Variants in SLC40A1 observed in about 807,000 individuals in gnomAD.
SLC40A1 encodes the protein solute carrier family 40 member 1.
SLC40A1 carries 16 observed loss-of-function variants against 53.5 expected under a neutral mutation model. The ratio of observed to expected loss-of-function variants is 0.30; its 90% CI spans 0.20 to 0.45. SLC40A1 has a LOEUF of 0.45. SLC40A1 is among the 20% of genes least tolerant of loss of function. The pLI is 1.00. For synonymous variants in SLC40A1, 247 were observed against 253.2 expected (o/e 0.98, Z 0.23); for missense variants, 545 against 695.4 (o/e 0.78, Z 2.43).
At chr2:189,580,378 C>G in intron 1 of SLC40A1, 40 bp downstream of exon 1, 1 of 1,609,034 alleles carries the variant, frequency 6.2e-7, no homozygotes, top group Non-Finnish European at 8.5e-7. Flanking sequence ...CAAAGCCCCA[C>G]CTGGGTTTCC....
chr2:189,573,004 C>T lies in SLC40A1; in HGVS notation c.272-43G>A, dbSNP rs752118206. The T allele has an allele frequency of 4.0e-6, 5 of 1,252,822 alleles. 1 individual carries two copies. The South Asian group carries it at 4.8e-5, about 12-fold the overall frequency. The allele number at this position is 1,252,822 out of a possible 1,614,324, so 77.6% of individuals were successfully genotyped here. On this transcript the variant is annotated intron_variant, in intron 3 of 7. Transcript: ENST00000261024. The stretch of plus-strand genomic sequence containing the variant: ...GAAAGTGTACATTACATCAAAATGT[C>T]TCAGTGAGACTGTTCTTATCCACAC...
chr2:189,566,163 G>C (rs781448969), intron 5 of SLC40A1, among the ~76,000 whole-genome samples: 1 of 152,092 alleles, frequency 6.6e-6, no homozygotes, highest in African/African-American at 2.4e-5. Flanking sequence ...TAAATAAGGC[G>C]AGGTCAGAGG....
chr2:189,563,515 A>C, intron 7 of SLC40A1, 69 bp downstream of exon 7: 1 of 1,419,980 alleles, frequency 7.0e-7, no homozygotes, highest in Non-Finnish European at 9.7e-7. Context: ...TCATTTATTA[A>C]TGGATTCTCT....
chr2:189,567,354 A>G (rs2030970307), intron 5 of SLC40A1, among the ~76,000 whole-genome samples: 1 of 152,266 alleles, frequency 6.6e-6, no homozygotes, highest in Non-Finnish European at 1.5e-5. Context: ...GACAAAATCA[A>G]TAAAGAGGAA....
In SLC40A1 at chr2:189,561,569, C is replaced by T. The variant is rs886055360; in HGVS notation, c.*309G>A. 3.3e-5 allele frequency: 10 copies of T among 304,900 alleles called. No individual in the cohort carries two copies. Among genetic ancestry groups the T allele is most frequent in the Non-Finnish European group, 4.9e-5 (8 of 161,740 alleles). 18.9% of individuals were successfully genotyped at this position (304,900 alleles called of 1,614,324 possible). A position where few individuals can be genotyped will look rare whatever the true frequency, so the allele number is the denominator to read the frequency against. On this transcript the variant is annotated 3_prime_UTR_variant, in exon 8 of 8. Coordinates refer to ENST00000261024, the MANE Select transcript of SLC40A1 (RefSeq NM_014585.6). ...ATCTGTCAAATGATAACTGAATTCA[C>T]GTGACTAACCACTCTTTTACGTAAG...
rs200345331 is a variant in SLC40A1, at chr2:189,563,783, G to C, written c.1203C>G (p.Ser401=). The part of the protein sequence containing the change: ...VFMPGSPLDL[S]VSPFEDIRSR... ...ATCGGATATCTTCAAAAGGAGAAAC[G>C]GACAAGTCCAGGGGGCTTCCAGGCA... Residue 401 remains serine, a synonymous_variant, in exon 7 of 8, where the codon TCC becomes TCG. Transcript: ENST00000261024. The C allele has an allele frequency of 1.2e-6, 2 of 1,614,122 alleles. No individual in the cohort carries two copies. The highest frequency in any genetic ancestry group is 1.3e-5 in the African/African-American group (1 of 75,028).
intron 2 of SLC40A1, chr2:189,578,536 A>C (rs1403040252): frequency 5.4e-6 from 1 of 185,636 alleles, no homozygotes; most frequent in Middle Eastern, 5.1e-4. Context: ...TCTTCCTCTA[A>C]GAGCAAGGCC....
intron 5 of SLC40A1, among the ~76,000 whole-genome samples, chr2:189,566,065 C>A (rs2030931289): frequency 1.3e-5 from 2 of 151,996 alleles, no homozygotes; most frequent in Admixed American, 1.3e-4. Context: ...TGTATACACA[C>A]ACAAACACTG....
At chr2:189,566,878 A>T (rs2030955004) in intron 5 of SLC40A1, among the ~76,000 whole-genome samples, 4 of 152,176 alleles carry the variant, frequency 2.6e-5, no homozygotes, top group Non-Finnish European at 4.4e-5. Context: ...CAGAGAAAAT[A>T]GTGTGATTAT....
Position 189,563,728 on chromosome 2 carries a change from G to A in SLC40A1, c.1258C>T (p.Pro420Ser), listed in dbSNP as rs957670105. Residue 420 changes from proline (P) to serine (S), a missense_variant, in exon 7 of 8, where the codon CCT becomes TCT. Pro to Ser is a moderately conservative substitution (Grantham distance 74). Around this residue, in one of 4 missense-constraint regions of SLC40A1, gnomAD observed 234 missense variants for 299.0 expected, o/e 0.78. Coordinates refer to ENST00000261024, the MANE Select transcript of SLC40A1 (RefSeq NM_014585.6). ...SRFIQGESIT[P>S]TKIPEITTEI... ...GTTGTAATTTCAGGTATCTTGGTAG[G>A]TGTAATTGACTCTCCTTGAATGAAC... The A allele has an allele frequency of 6.2e-7, 1 of 1,614,144 alleles. No individual in the cohort carries two copies. Among genetic ancestry groups the A allele is most frequent in the Non-Finnish European group, 8.5e-7 (1 of 1,180,010 alleles).
chr2:189,567,013 AC>A (rs1252885743), intron 5 of SLC40A1, among the ~76,000 whole-genome samples: 1 of 152,204 alleles, frequency 6.6e-6, no homozygotes, highest in African/African-American at 2.4e-5. Context: ...GTCTTACCAA[AC>A]AAAAGTGACA....
rs11568355 is a variant in SLC40A1 at position 189,563,692 on chromosome 2, T to C, written c.1294A>G (p.Met432Val). The change falls in exon 7 of 8, where the codon ATG becomes GTG. Residue 432 changes from methionine (M) to valine (V), a missense_variant. Met to Val is a conservative substitution (Grantham distance 21). Transcript: ENST00000261024. ...TTAGCAGAATTAGACCCATTAGACA[T>C]GTATATTTCAGTTGTAATTTCAGGT... ...KIPEITTEIY[M>V]SNGSNSANIV... is the part of the protein sequence containing the mutation. 4.0e-4 allele frequency: 649 copies of C among 1,614,070 alleles called. 1 individual carries two copies. In the African/African-American group the frequency reaches 7.5e-3, roughly 19 times the overall value.
rs371786453 is a variant in SLC40A1 at position 189,579,888 on chromosome 2, G to C, written c.44-8C>G. On this transcript the variant is annotated splice_region_variant and splice_polypyrimidine_tract_variant and intron_variant, in intron 1 of 7. Transcript: ENST00000261024. ...GGTAGTCGGCCAAGGATCCTGCAAA[G>C]ACACAGGCGGGGTGACAAAAAGCGA... 57 of 1,613,978 alleles carry C rather than the reference G, an allele frequency of 3.5e-5. No individual in the cohort carries two copies. Among genetic ancestry groups the C allele is most frequent in the Non-Finnish European group, 4.4e-5 (52 of 1,179,940 alleles).
intron 1 of SLC40A1, among the ~76,000 whole-genome samples, chr2:189,580,131 T>C (rs962217730): frequency 6.7e-6 from 1 of 149,080 alleles, no homozygotes; most frequent in Non-Finnish European, 1.5e-5. Flanking sequence ...AAGAAACTCT[T>C]GTTTCAGCAT....
rs1488625305 is a variant in SLC40A1 at position 189,579,832 on chromosome 2, C to T, written c.92G>A (p.Gly31Asp). The stretch of plus-strand genomic sequence containing the variant: ...ACTTACCCAAGTAGAGAGAGAATGA[C>T]CAAGGTAGAGAAGGAATTTTGCAGA... ...LTSAKFLLYL[G>D]HSLSTWGDRM... Residue 31 changes from glycine to aspartate, a missense_variant, in exon 2 of 8, where the codon GGT becomes GAT. Coordinates refer to ENST00000261024, the MANE Select transcript of SLC40A1 (RefSeq NM_014585.6). 1.1e-5 allele frequency: 17 copies of T among 1,613,998 alleles called. No homozygotes were observed. The highest frequency in any genetic ancestry group is 1.4e-5 in the Non-Finnish European group (17 of 1,179,962).
At chr2:189,565,062 A>G (rs1431841805) in intron 6 of SLC40A1, among the ~76,000 whole-genome samples, 1 of 151,982 alleles carries the variant, frequency 6.6e-6, no homozygotes, top group Non-Finnish European at 1.5e-5. Flanking sequence ...TCCCAGTCCT[A>G]TGACTTAGCT....
rs772579036 is a variant in SLC40A1 at position 189,565,507 on chromosome 2, T to C, written c.607A>G (p.Ile203Val). 10 of 1,614,234 alleles carry C rather than the reference T, an allele frequency of 6.2e-6. No homozygotes were observed. Among genetic ancestry groups the C allele is most frequent in the East Asian group, 2.2e-5 (1 of 44,882 alleles). Residue 203 changes from isoleucine to valine, a missense_variant, in exon 6 of 8, where the codon ATC (isoleucine) becomes GTC (valine). This residue lies in a region of SLC40A1 where 197 missense variants were observed against 278.8 expected (regional missense o/e 0.71). Coordinates refer to ENST00000261024, the MANE Select transcript of SLC40A1 (RefSeq NM_014585.6). ...CATCCCGAAATAAAGCCACAGCCGA[T>C]GACTGGGGAGCCAAATGTCATAATC... ...GQIMTFGSPV[I>V]GCGFISGWNL...
intron 5 of SLC40A1, among the ~76,000 whole-genome samples, chr2:189,569,230 T>C (rs971137600): frequency 5.3e-5 from 8 of 152,232 alleles, no homozygotes; most frequent in Non-Finnish European, 1.2e-4. Context: ...TAAGAAACAC[T>C]GTGATGAGGA....
rs1246139926 is a variant in SLC40A1, at chr2:189,562,076, C to T, written c.1518G>A (p.Leu506=). ...GAGCCAGGATGACCATGATGAAATG[C>T]AGAAGATCAAGAAGATAGTTCATGG... ...QNSMNYLLDL[L]HFIMVILAPN... is the part of the protein sequence containing the mutation. Residue 506 remains leucine, a synonymous_variant, in exon 8 of 8, where the codon CTG becomes CTA. Coordinates refer to ENST00000261024, the MANE Select transcript of SLC40A1 (RefSeq NM_014585.6). 1 of 1,614,044 alleles carries T rather than the reference C, an allele frequency of 6.2e-7. No homozygotes were observed. The highest frequency in any genetic ancestry group is 1.3e-5 in the African/African-American group (1 of 75,024).
Sources: allele counts gnomAD v4.1 joint callset (sites outside exome capture counted in the v4.1 genomes callset), GRCh38; gene constraint gnomAD v4.1.1; regional missense constraint gnomAD v4.1.1; transcripts MANE v1.5; gene names NCBI Gene and HGNC (gene_info 2026-07-23, HGNC 2026-07-21).